The following CDH8 variants were observed in gnomAD, a reference collection of about 807,000 sequenced individuals.
The protein encoded by CDH8 is cadherin-8.
CDH8 carries 17 observed loss-of-function variants against 68.1 expected under a neutral mutation model. That is an observed-to-expected ratio of 0.25 (90% CI 0.17 to 0.37). CDH8 has a LOEUF of 0.37. Among genes scored for constraint, CDH8 ranks in the 10% least tolerant of loss-of-function variants. The pLI, the probability that CDH8 is intolerant of heterozygous loss-of-function variation, is 1.00. For missense variants in CDH8, 763 were observed against 999.3 expected (o/e 0.76, Z 3.19); for synonymous variants, 372 against 365.1 (o/e 1.02, Z -0.21).
At chr16:61,846,124 A>G (rs1312676214) in intron 4 of CDH8, among the ~76,000 whole-genome samples, 1 of 152,152 alleles carries the variant, frequency 6.6e-6, no homozygotes, top group Non-Finnish European at 1.5e-5. Flanking sequence ...TGTACCCAAC[A>G]TTCCTGAATC....
At chr16:61,696,470 C>A (rs1051300136) in intron 10 of CDH8, among the ~76,000 whole-genome samples, 1 of 152,008 alleles carries the variant, frequency 6.6e-6, no homozygotes, top group East Asian at 1.9e-4. Context: ...CAGATGCTGG[C>A]GAGGATGCAG....
chr16:62,021,043 G>A, intron 2 of CDH8, 109 bp downstream of exon 2: 1 of 946,632 alleles, frequency 1.1e-6, no homozygotes. Flanking sequence ...TAAACATCTG[G>A]CTTGAACAAT....
chr16:61,960,734 C>G (rs1425361279), intron 2 of CDH8, among the ~76,000 whole-genome samples: 2 of 152,040 alleles, frequency 1.3e-5, no homozygotes, highest in African/African-American at 2.4e-5. Context: ...CTTCCTTTGC[C>G]TTCCACTACC....
chr16:61,813,269 T>G (rs1022636952), intron 7 of CDH8, among the ~76,000 whole-genome samples: 1 of 152,088 alleles, frequency 6.6e-6, no homozygotes, highest in Non-Finnish European at 1.5e-5. Flanking sequence ...GTTACAGAGA[T>G]CACAAGGAAA....
intron 7 of CDH8, among the ~76,000 whole-genome samples, chr16:61,802,722 GA>G (rs1961686427): frequency 7.5e-6 from 1 of 133,288 alleles, no homozygotes. Flanking sequence ...ATCAGCGATG[GA>G]AGATGAAATG....
chr16:62,008,941 G>GCA lies in CDH8; in HGVS notation c.252+12209_252+12210dup, dbSNP rs10530899. Among the ~76,000 whole-genome samples the GCA allele has an allele frequency of 7.1e-3, 1,055 of 147,860 alleles. 5 individuals are homozygous for GCA. The highest frequency in any genetic ancestry group is 0.017 in the East Asian group (85 of 4,992). The stretch of plus-strand genomic sequence containing the variant: ...TTTAAGAGAAAAAATAATAGGATGT[G>GCA]CACACACACACACACACACACACAT... On this transcript the variant is annotated intron_variant, in intron 2 of 11. Transcript: ENST00000577390.
Position 61,652,532 on chromosome 16 carries a change from AT to A in CDH8, c.*1075del, listed in dbSNP as rs1963343440. On this transcript the variant is annotated 3_prime_UTR_variant, in exon 12 of 12. Transcript: ENST00000577390. ...GCTGTTCCTGCCATCTCCAGTTACA[AT>A]AACACTTTCTACTCTAAAGAGACTA... 2 of 1,025,638 alleles carry A rather than the reference AT, an allele frequency of 2.0e-6. No individual in the cohort carries two copies. The highest frequency in any genetic ancestry group is 2.3e-6 in the Non-Finnish European group (2 of 856,638). The allele number at this position is 1,025,638 out of a possible 1,614,324, so 63.5% of individuals were successfully genotyped here.
chr16:61,967,911 C>T (rs956553643), intron 2 of CDH8, among the ~76,000 whole-genome samples: 2 of 152,174 alleles, frequency 1.3e-5, no homozygotes, highest in Non-Finnish European at 2.9e-5. Flanking sequence ...TGGGTTCAAG[C>T]AATTCTCCTG....
At chr16:61,852,811 T>A (rs187625774) in intron 4 of CDH8, among the ~76,000 whole-genome samples, 52 of 151,890 alleles carry the variant, frequency 3.4e-4, no homozygotes, top group African/African-American at 1.2e-3. Flanking sequence ...CTTTTGCACA[T>A]CCCTCCCGGC....
At chr16:61,962,423 A>G (rs990571344) in intron 2 of CDH8, among the ~76,000 whole-genome samples, 2 of 152,138 alleles carry the variant, frequency 1.3e-5, no homozygotes, top group Non-Finnish European at 2.9e-5. Flanking sequence ...ACCGGAGTAT[A>G]TGACGGTACC....
chr16:61,754,265 G>A (rs1960252539), intron 8 of CDH8, among the ~76,000 whole-genome samples: 1 of 152,026 alleles, frequency 6.6e-6, no homozygotes, highest in Admixed American at 6.6e-5. Context: ...TTTTCCTGAA[G>A]GTTAAAATCA....
At chr16:61,682,715 T>C (rs373822611) in intron 10 of CDH8, among the ~76,000 whole-genome samples, 1 of 152,082 alleles carries the variant, frequency 6.6e-6, no homozygotes, top group East Asian at 1.9e-4. Flanking sequence ...TTGGAAATGC[T>C]TGTTCTGTCC....
chr16:61,767,313 C>T (rs1960620188), intron 8 of CDH8, among the ~76,000 whole-genome samples: 1 of 151,906 alleles, frequency 6.6e-6, no homozygotes, highest in African/African-American at 2.4e-5. Flanking sequence ...TAGTTAAGCA[C>T]ATTCTAATTA....
chr16:61,885,827 G>A (rs1963662877), intron 3 of CDH8, among the ~76,000 whole-genome samples: 1 of 151,980 alleles, frequency 6.6e-6, no homozygotes, highest in Non-Finnish European at 1.5e-5. Flanking sequence ...TTTGTTTTCA[G>A]TCTCGATCAT....
Position 61,921,081 on chromosome 16 carries a change from A to C in CDH8, c.253-19608T>G, listed in dbSNP as rs1251811307. Among the ~76,000 whole-genome samples the C allele has an allele frequency of 9.9e-5, 13 of 131,258 alleles. No homozygotes were observed. In the South Asian group the frequency reaches 3.3e-3, roughly 34 times the overall value. The allele number at this position is 131,258 out of a possible 152,430, so 86.1% of individuals were successfully genotyped here. A position where few individuals can be genotyped will look rare whatever the true frequency, so the allele number is the denominator to read the frequency against. ...AGAACACATGGACACAGGAAGGGGA[A>C]CATCACACTCTGGGGACTGTTGTGG... On this transcript the variant is annotated intron_variant, in intron 2 of 11. Coordinates refer to ENST00000577390, the MANE Select transcript of CDH8 (RefSeq NM_001796.5).
At position 61,727,102 on chromosome 16, in the gene CDH8, G is replaced by C; in HGVS notation, c.1528C>G (p.Pro510Ala). 3 of 1,610,678 alleles carry C rather than the reference G, an allele frequency of 1.9e-6. No individual in the cohort carries two copies. The East Asian group carries it at 6.7e-5, about 36-fold the overall frequency. Residue 510 changes from proline (P) to alanine (A), a missense_variant, in exon 9 of 12, where the codon CCC (proline) becomes GCC (alanine). Around this residue, in one of 2 missense-constraint regions of CDH8, gnomAD observed 397 missense variants for 436.2 expected, o/e 0.91. Transcript: ENST00000577390. ...AACATGGAGATATTTACTTGGCCGG[G>C]TTTTCCATTTTCACATAAAAATGCC... ...YEAFLCENGK[P>A]GQVIQTVSAM...
intron 11 of CDH8, 141 bp from the exon 12 acceptor site, chr16:61,654,242 G>A: frequency 1.4e-6 from 1 of 695,038 alleles, no homozygotes; most frequent in Non-Finnish European, 2.4e-6. Context: ...AGAAAATTAA[G>A]CTAAACATCT....
At position 62,019,889 on chromosome 16, in the gene CDH8, G is replaced by A. The variant is rs185550524; in HGVS notation, c.252+1263C>T. Among the ~76,000 whole-genome samples, 116 of 152,242 alleles carry A rather than the reference G, an allele frequency of 7.6e-4. 1 individual carries two copies. The highest frequency in any genetic ancestry group is 2.7e-3 in the African/African-American group (111 of 41,534). ...GTGTTCAACAGACAATAAACACTCA[G>A]TATTGGCCAAAACATAAGTTCCTTA... is the stretch of plus-strand genomic sequence containing the variant. On this transcript the variant is annotated intron_variant, in intron 2 of 11. Coordinates refer to ENST00000577390, the MANE Select transcript of CDH8 (RefSeq NM_001796.5).
chr16:61,996,627 C>T (rs1965808354), intron 2 of CDH8, among the ~76,000 whole-genome samples: 1 of 152,084 alleles, frequency 6.6e-6, no homozygotes, highest in Non-Finnish European at 1.5e-5. Flanking sequence ...TTTACCTAAA[C>T]CCATGGTTCA....
Sources: gnomAD v4.1 joint callset for allele counts (sites outside exome capture counted in the v4.1 genomes callset) on GRCh38, gnomAD v4.1.1 for gene constraint, gnomAD v4.1.1 regional missense constraint, MANE v1.5 for transcripts, NCBI Gene and HGNC (gene_info 2026-07-23, HGNC 2026-07-21) for gene names.